The following DNAH10 variants were observed in gnomAD, a reference collection of about 807,000 sequenced individuals.
The protein encoded by DNAH10 is axonemal beta dynein heavy chain 10.
DNAH10 carries 348 observed loss-of-function variants against 506.6 expected under a neutral mutation model. That is an observed-to-expected ratio of 0.69 (90% confidence interval 0.63 to 0.75). The LOEUF (loss-of-function observed/expected upper bound fraction) is 0.75. Among genes scored for constraint, DNAH10 ranks in the 30% least tolerant of loss-of-function variants. DNAH10 has a pLI of 0.00. For synonymous variants in DNAH10, 2,059 were observed against 2,198.6 expected, an observed-to-expected ratio of 0.94 and a Z score of 1.78; for missense variants, 5,179 against 5,787.1, an observed-to-expected ratio of 0.89 and a Z score of 3.41.
chr12:123,767,570 GTTTAA>G (rs772262454), intron 1 of DNAH10, 31 bp from the exon 2 acceptor site: 1 of 1,582,612 alleles, frequency 6.3e-7, no homozygotes, highest in Non-Finnish European at 8.6e-7. Context: ...GAACAATTAC[GTTTAA>G]TATTTTCTTC....
chr12:123,928,409 C>A lies in DNAH10; in HGVS notation c.12128C>A (p.Thr4043Lys). 2 of 1,604,106 alleles carry A rather than the reference C, an allele frequency of 1.2e-6. No individual in the cohort carries two copies. Among genetic ancestry groups the A allele is most frequent in the Non-Finnish European group, 1.7e-6 (2 of 1,175,878 alleles). ...CAGGTGGCCCTGCAGCTGCTGGAGA[C>A]GGCGGTGGCTCGGGGGCAGTGGCTG... ...QEKVALQLLE[T>K]AVARGQWLML... Residue 4043 changes from threonine (T) to lysine (K), a missense_variant, in exon 70 of 79, where the codon ACG becomes AAG. Transcript: ENST00000673944. The surrounding 1 kb of genome is among the most constrained non-coding windows in gnomAD (Gnocchi z 4.9).
intron 24 of DNAH10, among the ~76,000 whole-genome samples, chr12:123,825,110 C>T (rs959214704): frequency 2.6e-5 from 4 of 152,212 alleles, no homozygotes. Flanking sequence ...ATCTTGGAAA[C>T]GTGTTTCCAG....
intron 35 of DNAH10, among the ~76,000 whole-genome samples, chr12:123,852,312 G>A (rs376618505): frequency 6.6e-5 from 10 of 152,274 alleles, no homozygotes; most frequent in African/African-American, 1.2e-4. Flanking sequence ...ATGTACATAC[G>A]TAAGATCTTT....
intron 54 of DNAH10, among the ~76,000 whole-genome samples, chr12:123,896,736 AAG>A (rs1453258199): frequency 6.6e-6 from 1 of 151,578 alleles, no homozygotes; most frequent in African/African-American, 2.4e-5. Context: ...AAAAAAAAAA[AAG>A]AAGGATTAGC....
chr12:123,861,712 A>G (rs998229128), intron 39 of DNAH10, among the ~76,000 whole-genome samples: 6 of 152,260 alleles, frequency 3.9e-5, no homozygotes, highest in Non-Finnish European at 2.9e-5. Context: ...TAAGGTAAAA[A>G]GCTTTTAGTT....
Position 123,846,298 on chromosome 12 carries a change from G to T in DNAH10, c.5814+144G>T. ...CTCGAAAAGCTTTTCCATTTGGGAT[G>T]TGACCAGATTGTCACCATTTGGGAT... On this transcript the variant is annotated intron_variant, in intron 32 of 78. Transcript: ENST00000673944. The surrounding 1 kb of genome is among the most constrained non-coding windows in gnomAD (Gnocchi z 4.5). 1.7e-6 allele frequency: 2 copies of T among 1,163,534 alleles called. No individual in the cohort carries two copies. The highest frequency in any genetic ancestry group is 3.3e-5 in the South Asian group (2 of 60,916). 72.1% of individuals were successfully genotyped at this position (1,163,534 alleles called of 1,614,324 possible).
In DNAH10 at chr12:123,851,015, T is replaced by C; in HGVS notation, c.6230T>C (p.Val2077Ala). ...CTGTTCAGGCCTGTGGTCGTGATCG[T>C]GCCCGACCTGCAGCAGATCTGTGAG... ...KALFRPVVVI[V>A]PDLQQICEIM... is the part of the protein sequence containing the mutation. Residue 2077 changes from valine to alanine, a missense_variant, in exon 35 of 79, where the codon GTG becomes GCG. Coordinates refer to ENST00000673944, the MANE Select transcript of DNAH10 (RefSeq NM_001372106.1). 1 of 1,613,756 alleles carries C rather than the reference T, an allele frequency of 6.2e-7. No individual in the cohort carries two copies.
intron 11 of DNAH10, among the ~76,000 whole-genome samples, chr12:123,791,256 G>A (rs530030778): frequency 6.6e-6 from 1 of 152,356 alleles, no homozygotes; most frequent in South Asian, 2.1e-4. Context: ...TGATACAGGA[G>A]GTGATAGCCT....
intron 52 of DNAH10, among the ~76,000 whole-genome samples, chr12:123,890,686 A>C (rs1182778075): frequency 1.3e-5 from 2 of 152,184 alleles, no homozygotes; most frequent in Non-Finnish European, 2.9e-5. Context: ...CTACCCCTGC[A>C]GTGTAGGCAG....
At position 123,913,454 on chromosome 12, in the gene DNAH10, A is replaced by G. The variant is rs1202056409; in HGVS notation, c.10352+139A>G. 2.2e-6 allele frequency: 2 copies of G among 903,828 alleles called. No homozygotes were observed. Among genetic ancestry groups the G allele is most frequent in the Admixed American group, 2.9e-5 (1 of 34,474 alleles). The allele number at this position is 903,828 out of a possible 1,614,324, so 56.0% of individuals were successfully genotyped here. A position where few individuals can be genotyped will look rare whatever the true frequency, so the allele number is the denominator to read the frequency against. On this transcript the variant is annotated intron_variant, in intron 60 of 78. Transcript: ENST00000673944. The surrounding 1 kb of genome is among the most constrained non-coding windows in gnomAD (Gnocchi z 5.1). ...GACCAGGTCTTATGTTCCTATTATC[A>G]TGTTTATGGCAGCTAATGGCTATTT... is the stretch of plus-strand genomic sequence containing the variant.
chr12:123,913,442 G>A lies in DNAH10; in HGVS notation c.10352+127G>A. On this transcript the variant is annotated intron_variant, in intron 60 of 78. Transcript: ENST00000673944. The surrounding 1 kb of genome is among the most constrained non-coding windows in gnomAD (Gnocchi z 5.1). ...TGAAAACCATGTGACCAGGTCTTAT[G>A]TTCCTATTATCATGTTTATGGCAGC... 1 of 1,005,334 alleles carries A rather than the reference G, an allele frequency of 9.9e-7. No homozygotes were observed. Among genetic ancestry groups the A allele is most frequent in the Non-Finnish European group, 1.4e-6 (1 of 706,196 alleles). The allele number at this position is 1,005,334 out of a possible 1,614,324, so 62.3% of individuals were successfully genotyped here.
chr12:123,788,121 C>T, intron 10 of DNAH10, 119 bp downstream of exon 10: 1 of 1,181,342 alleles, frequency 8.5e-7, no homozygotes. Context: ...AGGGAGAAGC[C>T]CTTCAAAGAA....
chr12:123,894,219 T>C (rs1454030807), intron 53 of DNAH10, among the ~76,000 whole-genome samples: 1 of 151,008 alleles, frequency 6.6e-6, no homozygotes, highest in Non-Finnish European at 1.5e-5. Context: ...GCCTCCCTAG[T>C]GGCTGGGACT....
chr12:123,796,180 G>C (rs1402587389), intron 12 of DNAH10, among the ~76,000 whole-genome samples: 1 of 152,114 alleles, frequency 6.6e-6, no homozygotes, highest in African/African-American at 2.4e-5. Flanking sequence ...ACTACAGCCG[G>C]GCTCGGTGGC....
Position 123,931,846 on chromosome 12 carries a change from G to C in DNAH10, c.13127G>C (p.Arg4376Thr). The change falls in exon 75 of 79, where the codon AGG becomes ACG. Residue 4376 changes from arginine to threonine, a missense_variant and splice_region_variant. Arg to Thr is a moderately conservative substitution (Grantham distance 71). Transcript: ENST00000673944. ...ACGAAGTCTCTGGCTGAACTTCAAA[G>C]GGTGAGCCTGTCTCTCATGTGCAGA... is the stretch of plus-strand genomic sequence containing the variant. ...RMTKSLAELQ[R>T]ALAGEVGMSN... 1.2e-6 allele frequency: 2 copies of C among 1,613,922 alleles called. No homozygotes were observed. Among genetic ancestry groups the C allele is most frequent in the Non-Finnish European group, 1.7e-6 (2 of 1,179,816 alleles).
intron 52 of DNAH10, among the ~76,000 whole-genome samples, chr12:123,890,395 C>A (rs902344519): frequency 6.6e-6 from 1 of 151,104 alleles, no homozygotes; most frequent in South Asian, 2.1e-4. Flanking sequence ...CCCAGCCTTT[C>A]GAGTAGCTGG....
rs751148187 is a variant in DNAH10, at chr12:123,790,019, C to T, written c.1713C>T (p.Asp571=). 79 of 1,613,992 alleles carry T rather than the reference C, an allele frequency of 4.9e-5. No homozygotes were observed. The highest frequency in any genetic ancestry group is 5.8e-5 in the Non-Finnish European group (68 of 1,180,022). The change falls in exon 11 of 79, where the codon GAC becomes GAT. Residue 571 remains aspartate, a synonymous_variant. Coordinates refer to ENST00000673944, the MANE Select transcript of DNAH10 (RefSeq NM_001372106.1). Reference sequence around the variant, plus strand: ...TTGATGATGTCCTATGCAGAGTGGACGGCCTAGTCACCCCCATGGAAAACC... The same window carrying T: ...TTGATGATGTCCTATGCAGAGTGGATGGCCTAGTCACCCCCATGGAAAACC... ...KRIDDVLCRV[D]GLVTPMENLT...
chr12:123,799,200 T>C, intron 13 of DNAH10, 46 bp from the exon 14 acceptor site: 2 of 1,410,678 alleles, frequency 1.4e-6, no homozygotes, highest in South Asian at 1.7e-5. Context: ...AGATGAAAAA[T>C]GTTATTTTCA....
intron 26 of DNAH10, among the ~76,000 whole-genome samples, chr12:123,832,166 A>G (rs371858602): frequency 3.3e-5 from 5 of 152,332 alleles, no homozygotes; most frequent in Admixed American, 6.5e-5. Context: ...CATAATGTAC[A>G]TACAGTGTAC....
Sources: gnomAD v4.1 joint callset for allele counts (sites outside exome capture counted in the v4.1 genomes callset) on GRCh38, gnomAD v4.1.1 for gene constraint, Gnocchi (gnomAD v3.1) non-coding constraint, MANE v1.5 for transcripts, NCBI Gene and HGNC (gene_info 2026-07-23, HGNC 2026-07-21) for gene names.